RSPRY1: variants seen among roughly 807,000 people sequenced by gnomAD.
RSPRY1 encodes the protein ring finger and SPRY domain containing 1.
Under a neutral mutation model 73.1 loss-of-function variants are expected in RSPRY1, and 23 were observed. The observed-to-expected ratio is 0.31, with a 90% CI of 0.23 to 0.45. RSPRY1 has a LOEUF of 0.45. Among genes scored for constraint, RSPRY1 ranks in the 20% least tolerant of loss-of-function variants. The pLI is 1.00. For missense variants in RSPRY1, 448 were observed against 698.7 expected, an observed-to-expected ratio of 0.64 and a Z score of 4.05; for synonymous variants, 226 against 251.4, an observed-to-expected ratio of 0.90 and a Z score of 0.95.
intron 1 of RSPRY1, 115 bp from the exon 2 acceptor site, chr16:57,204,389 C>A: frequency 2.8e-6 from 1 of 359,862 alleles, no homozygotes; most frequent in Middle Eastern, 8.1e-4. Flanking sequence ...ATAAAAATAA[C>A]CAAAGATAAT....
intron 1 of RSPRY1, among the ~76,000 whole-genome samples, chr16:57,201,056 G>A (rs112518312): frequency 7.5e-6 from 1 of 133,830 alleles, no homozygotes; most frequent in South Asian, 2.4e-4. Flanking sequence ...CCGGGCGGGG[G>A]GCTGACCCCC....
chr16:57,204,751 A>G lies in RSPRY1; in HGVS notation c.93A>G (p.Leu31=). 4.3e-6 allele frequency: 7 copies of G among 1,614,150 alleles called. No individual in the cohort carries two copies. The highest frequency in any genetic ancestry group is 5.9e-6 in the Non-Finnish European group (7 of 1,180,020). ...TCGAAGAGCACATAGCCCACTTCCTAGGGACTGGAGGTGCCGCTACTACCA... is the reference window on the plus strand; with the variant it reads ...TCGAAGAGCACATAGCCCACTTCCTGGGGACTGGAGGTGCCGCTACTACCA... ...LTLEEHIAHF[L]GTGGAATTMG... Residue 31 remains leucine, a synonymous_variant, in exon 2 of 15, where the codon CTA becomes CTG. Transcript: ENST00000394420.
chr16:57,216,026 C>A, intron 6 of RSPRY1, 81 bp from the exon 7 acceptor site: 2 of 1,070,470 alleles, frequency 1.9e-6, no homozygotes, highest in Non-Finnish European at 2.8e-6. Flanking sequence ...ACATATTGGG[C>A]AAGGAAATGA....
At chr16:57,207,798 C>T (rs2074755204) in intron 2 of RSPRY1, 1 of 526,530 alleles carries the variant, frequency 1.9e-6, no homozygotes, top group Non-Finnish European at 3.6e-6. Flanking sequence ...TGCTTTTACC[C>T]CAGGACACAT....
At position 57,202,322 on chromosome 16, in the gene RSPRY1, G is replaced by C. The variant is rs971162682; in HGVS notation, c.-155-2182G>C. ...GCGGCAAGCCTCTTGTTCTCTATCA[G>C]TGAAATTTCTGTGAGAGGACCCAGA... On this transcript the variant is annotated intron_variant, in intron 1 of 14. Coordinates refer to ENST00000394420, the MANE Select transcript of RSPRY1 (RefSeq NM_133368.3). Among the ~76,000 whole-genome samples, 5 of 152,158 alleles carry C rather than the reference G, an allele frequency of 3.3e-5. No individual in the cohort carries two copies. In the South Asian group the frequency reaches 1.0e-3, roughly 31 times the overall value.
intron 10 of RSPRY1, among the ~76,000 whole-genome samples, chr16:57,225,594 T>C: frequency 6.6e-6 from 1 of 152,212 alleles, no homozygotes; most frequent in Non-Finnish European, 1.5e-5. Context: ...CAGGACCTGA[T>C]CTTACTTGGA....
chr16:57,211,722 T>C (rs2074846966), intron 4 of RSPRY1, among the ~76,000 whole-genome samples: 1 of 152,146 alleles, frequency 6.6e-6, no homozygotes, highest in Non-Finnish European at 1.5e-5. Context: ...CCTTTTTTTT[T>C]TTCTTTTTTT....
chr16:57,222,494 T>C (rs1336917017), intron 10 of RSPRY1, among the ~76,000 whole-genome samples: 1 of 152,086 alleles, frequency 6.6e-6, no homozygotes, highest in African/African-American at 2.4e-5. Context: ...GAGAGACAAA[T>C]TGGAGGAAAA....
At chr16:57,199,206 A>G (rs1295539388) in intron 1 of RSPRY1, among the ~76,000 whole-genome samples, 1 of 152,230 alleles carries the variant, frequency 6.6e-6, no homozygotes, top group Non-Finnish European at 1.5e-5. Flanking sequence ...AGATTTAAAG[A>G]AAAAGCGGCT....
intron 13 of RSPRY1, among the ~76,000 whole-genome samples, chr16:57,232,599 A>C (rs2075241626): frequency 1.3e-5 from 2 of 152,148 alleles, no homozygotes; most frequent in African/African-American, 4.8e-5. Context: ...AAGTCTTCTC[A>C]CATATACCCT....
intron 13 of RSPRY1, among the ~76,000 whole-genome samples, chr16:57,234,723 A>ATTGTATAAAAAC (rs1242689283): frequency 1.3e-5 from 2 of 152,224 alleles, no homozygotes; most frequent in Admixed American, 1.3e-4. Context: ...ACCCCTTGAA[A>ATTGTATAAAAAC]TTGTATAAAA....
intron 1 of RSPRY1, chr16:57,186,722 G>A (rs1451210302): frequency 6.6e-6 from 1 of 151,982 alleles, no homozygotes; most frequent in African/African-American, 2.4e-5. Flanking sequence ...TCTTTCGGGG[G>A]TCCTCACCAG....
chr16:57,210,646 A>G (rs1251272775), intron 4 of RSPRY1, among the ~76,000 whole-genome samples: 2 of 151,216 alleles, frequency 1.3e-5, no homozygotes, highest in East Asian at 2.0e-4. Flanking sequence ...CTGGGAGGCA[A>G]TGGTTGCAGT....
chr16:57,200,195 C>T (rs2074542811), intron 1 of RSPRY1, among the ~76,000 whole-genome samples: 2 of 148,610 alleles, frequency 1.3e-5, no homozygotes. Flanking sequence ...GGACACAGCA[C>T]ATGTTTCAGA....
intron 1 of RSPRY1, among the ~76,000 whole-genome samples, chr16:57,200,701 G>C (rs371669970): frequency 2.1e-5 from 1 of 47,332 alleles, no homozygotes; most frequent in East Asian, 6.5e-4. Context: ...GCGGCTGGCC[G>C]GGCAGAGGGG....
chr16:57,203,702 C>T (rs1168898429), intron 1 of RSPRY1, among the ~76,000 whole-genome samples: 5 of 152,192 alleles, frequency 3.3e-5, no homozygotes, highest in Admixed American at 3.3e-4. Flanking sequence ...CTATTCCTTA[C>T]TCATCTTTAT....
rs139034588 is a variant in RSPRY1 at position 57,204,770 on chromosome 16, A to G, written c.112A>G (p.Thr38Ala). The G allele has an allele frequency of 9.9e-6, 16 of 1,614,204 alleles. No homozygotes were observed. The African/African-American group carries it at 1.1e-4, about 11-fold the overall frequency. The change falls in exon 2 of 15, where the codon ACT becomes GCT. Residue 38 changes from threonine to alanine, a missense_variant. By Grantham distance (58) the Thr-to-Ala change is moderately conservative. Transcript: ENST00000394420. ...AHFLGTGGAA[T>A]TMGNSCICRD... is the part of the protein sequence containing the mutation. ...CTTCCTAGGGACTGGAGGTGCCGCT[A>G]CTACCATGGGTAATTCCTGTATCTG... is the stretch of plus-strand genomic sequence containing the variant.
At chr16:57,191,238 G>A (rs2074347079) in intron 1 of RSPRY1, among the ~76,000 whole-genome samples, 1 of 152,068 alleles carries the variant, frequency 6.6e-6, no homozygotes, top group Non-Finnish European at 1.5e-5. Context: ...TGTGGTTTCT[G>A]CCCAGTCCCT....
chr16:57,186,799 A>C (rs762047539), intron 1 of RSPRY1: 1 of 152,344 alleles, frequency 6.6e-6, no homozygotes, highest in Non-Finnish European at 1.5e-5. Context: ...AGAGGCAGCT[A>C]TCTATCTCCT....
Sources: gnomAD v4.1 joint callset for allele counts (sites outside exome capture counted in the v4.1 genomes callset) on GRCh38, gnomAD v4.1.1 for gene constraint, MANE v1.5 for transcripts, NCBI Gene and HGNC (gene_info 2026-07-23, HGNC 2026-07-21) for gene names.